The following SYNJ2 variants were observed in gnomAD, a reference collection of about 807,000 sequenced individuals.
SYNJ2 encodes the protein polyphosphatidylinositol phosphatase SYNJ2.
A neutral mutation model predicts 141.3 loss-of-function variants in SYNJ2; 116 were observed. The observed-to-expected ratio is 0.82, with a 90% confidence interval of 0.71 to 0.96. SYNJ2 has a LOEUF of 0.96. Ranked by LOEUF, SYNJ2 falls within the 40% of genes least tolerant of loss-of-function variation. The pLI, the probability that SYNJ2 is intolerant of heterozygous loss-of-function variation, is 0.00. For missense variants in SYNJ2, 1,873 were observed against 1,934.8 expected (o/e 0.97, Z 0.60); for synonymous variants, 745 against 777.7 (o/e 0.96, Z 0.70).
intron 18 of SYNJ2, 80 bp from the exon 19 acceptor site, chr6:158,081,029 A>G: frequency 7.5e-7 from 1 of 1,335,168 alleles, no homozygotes; most frequent in Non-Finnish European, 1.1e-6. Context: ...CATCTGTCCC[A>G]GGCTAACTGG....
intron 5 of SYNJ2, among the ~76,000 whole-genome samples, chr6:158,050,450 T>C: frequency 6.6e-6 from 1 of 152,252 alleles, no homozygotes; most frequent in East Asian, 1.9e-4. Context: ...GACTGACTTC[T>C]TAGTTCTCTG....
rs182283431 is a variant in SYNJ2, at chr6:158,056,900, C to G, written c.857+1872C>G. Among the ~76,000 whole-genome samples, 17 of 152,190 alleles carry G rather than the reference C, an allele frequency of 1.1e-4. No homozygotes were observed. In the East Asian group the frequency reaches 2.5e-3, roughly 23 times the overall value. On this transcript the variant is annotated intron_variant, in intron 6 of 26. Coordinates refer to ENST00000355585, the MANE Select transcript of SYNJ2 (RefSeq NM_003898.4). ...GTCTCTTGTCACTTTGCTGTATGTG[C>G]TCCATATCTGAGGAGGGCTGTTTGC...
chr6:158,079,834 G>T (rs886682307), intron 18 of SYNJ2, among the ~76,000 whole-genome samples: 1 of 152,134 alleles, frequency 6.6e-6, no homozygotes, highest in Non-Finnish European at 1.5e-5. Context: ...AGGCCCTGTT[G>T]CTGGCCTGGA....
intron 1 of SYNJ2, chr6:158,016,911 C>G (rs1279921111): frequency 2.2e-6 from 2 of 913,104 alleles, no homozygotes; most frequent in Admixed American, 9.5e-5. Context: ...GGGCCAGGCC[C>G]CAGGTGCCTG....
chr6:158,092,263 G>C (rs1327494212), intron 25 of SYNJ2, among the ~76,000 whole-genome samples: 3 of 152,136 alleles, frequency 2.0e-5, no homozygotes, highest in African/African-American at 7.2e-5. Flanking sequence ...ATGAGACTTT[G>C]CATATGATCT....
chr6:158,035,559 CTG>C (rs781157654), intron 4 of SYNJ2, among the ~76,000 whole-genome samples: 26 of 152,268 alleles, frequency 1.7e-4, no homozygotes, highest in Non-Finnish European at 2.9e-4. Flanking sequence ...TGGGCTGAGA[CTG>C]TGGTGTTTTC....
chr6:158,007,276 G>A (rs981422137), intron 1 of SYNJ2, among the ~76,000 whole-genome samples: 4 of 152,176 alleles, frequency 2.6e-5, no homozygotes, highest in Non-Finnish European at 4.4e-5. Context: ...CCCCATGATT[G>A]TAAATAACTC....
At chr6:158,030,160 C>T (rs1052825912) in intron 3 of SYNJ2, among the ~76,000 whole-genome samples, 7 of 152,224 alleles carry the variant, frequency 4.6e-5, no homozygotes, top group African/African-American at 1.7e-4. Context: ...CCTGTAAATA[C>T]ATAAATTATC....
In SYNJ2 at chr6:158,058,235, A is replaced by G. The variant is rs1228778453; in HGVS notation, c.858-1022A>G. Reference sequence around the variant, plus strand: ...TGTTTTTTTCCAGTGTTTTTTCTATATTTAGGCATAAAGATTGCACCATTA... The same window carrying G: ...TGTTTTTTTCCAGTGTTTTTTCTATGTTTAGGCATAAAGATTGCACCATTA... On this transcript the variant is annotated intron_variant, in intron 6 of 26. Transcript: ENST00000355585. Among the ~76,000 whole-genome samples, 3 of 152,286 alleles carry G rather than the reference A, an allele frequency of 2.0e-5. No homozygotes were observed. In the East Asian group the frequency reaches 5.8e-4, roughly 29 times the overall value.
chr6:158,045,922 A>G (rs1455840912), intron 5 of SYNJ2, among the ~76,000 whole-genome samples: 2 of 152,082 alleles, frequency 1.3e-5, no homozygotes, highest in East Asian at 1.9e-4. Flanking sequence ...CAAAGCCTCC[A>G]TGGTTTCTTC....
chr6:158,038,554 A>T (rs557329986), intron 4 of SYNJ2, among the ~76,000 whole-genome samples: 1 of 152,322 alleles, frequency 6.6e-6, no homozygotes, highest in East Asian at 1.9e-4. Context: ...TGGCCCATCC[A>T]TCGGAGACCC....
chr6:158,043,248 G>A lies in SYNJ2; in HGVS notation c.712-68G>A, dbSNP rs565199996. Reference sequence around the variant, plus strand: ...GTCGGGTCACAGGTGGCCGGATCCCGTTACCCAGCCCAGGACGTTCGGTTT... The same window carrying A: ...GTCGGGTCACAGGTGGCCGGATCCCATTACCCAGCCCAGGACGTTCGGTTT... On this transcript the variant is annotated intron_variant, in intron 4 of 26. Coordinates refer to ENST00000355585, the MANE Select transcript of SYNJ2 (RefSeq NM_003898.4). The surrounding 1 kb of genome is among the most constrained non-coding windows in gnomAD (Gnocchi z 4.0). 3.7e-5 allele frequency: 54 copies of A among 1,454,366 alleles called. No individual in the cohort carries two copies. In the African/African-American group the frequency reaches 4.0e-4, roughly 11 times the overall value. 90.1% of individuals were successfully genotyped at this position (1,454,366 alleles called of 1,614,324 possible). A position where few individuals can be genotyped will look rare whatever the true frequency, so the allele number is the denominator to read the frequency against.
At chr6:158,093,452 A>AC (rs1562413532) in intron 26 of SYNJ2, among the ~76,000 whole-genome samples, 4 of 144,382 alleles carry the variant, frequency 2.8e-5, no homozygotes, top group East Asian at 2.0e-4. Flanking sequence ...AAAAAAAACA[A>AC]AAAAAAAAAA....
chr6:158,060,534 C>T (rs1316932798), intron 7 of SYNJ2, among the ~76,000 whole-genome samples: 1 of 152,206 alleles, frequency 6.6e-6, no homozygotes, highest in East Asian at 1.9e-4. Context: ...GCCTTTCCCT[C>T]TGCTTAGAAA....
At chr6:157,986,397 A>G (rs1777206474) in intron 1 of SYNJ2, among the ~76,000 whole-genome samples, 1 of 152,172 alleles carries the variant, frequency 6.6e-6, no homozygotes, top group South Asian at 2.1e-4. Flanking sequence ...ACAATGGCGC[A>G]ATCTTGGCTC....
intron 9 of SYNJ2, among the ~76,000 whole-genome samples, chr6:158,064,312 C>A (rs1781420144): frequency 6.6e-6 from 1 of 151,330 alleles, no homozygotes; most frequent in Non-Finnish European, 1.5e-5. Context: ...CCCCTGCTGT[C>A]CACCACTGTT....
At chr6:158,032,177 C>T (rs1324385425) in intron 3 of SYNJ2, among the ~76,000 whole-genome samples, 39 of 152,022 alleles carry the variant, frequency 2.6e-4, no homozygotes, top group Non-Finnish European at 1.0e-4. Flanking sequence ...CGGGGTCAGA[C>T]GCGGGCTGTG....
intron 1 of SYNJ2, among the ~76,000 whole-genome samples, chr6:158,008,434 C>T: frequency 6.6e-6 from 1 of 152,230 alleles, no homozygotes; most frequent in Non-Finnish European, 1.5e-5. Context: ...ATTAAAACAG[C>T]TTTCTAGGTC....
At chr6:158,057,342 C>A (rs113274033) in intron 6 of SYNJ2, among the ~76,000 whole-genome samples, 279 of 152,108 alleles carry the variant, frequency 1.8e-3, no homozygotes, top group African/African-American at 6.5e-3. Context: ...CTCCCTTACG[C>A]CCTGGGTGCC....
Sources: gnomAD v4.1 joint callset for allele counts (sites outside exome capture counted in the v4.1 genomes callset) on GRCh38, gnomAD v4.1.1 for gene constraint, Gnocchi (gnomAD v3.1) non-coding constraint, MANE v1.5 for transcripts, NCBI Gene and HGNC (gene_info 2026-07-23, HGNC 2026-07-21) for gene names.